CEP85L: variants seen among roughly 807,000 people sequenced by gnomAD.
CEP85L encodes centrosomal protein 85L.
Under a neutral mutation model 100.3 loss-of-function variants are expected in CEP85L, and 60 were observed. That is an observed-to-expected ratio of 0.60 (90% CI 0.49 to 0.74). The LOEUF is 0.74. Ranked by LOEUF, CEP85L falls within the 30% of genes least tolerant of loss-of-function variation. The probability of loss-of-function intolerance (pLI) is 0.00; values close to 1 mark genes in which losing one functional copy is unlikely to be tolerated. For missense variants in CEP85L, 973 were observed against 936.2 expected, an observed-to-expected ratio of 1.04 and a Z score of -0.51; for synonymous variants, 319 against 322.7, an observed-to-expected ratio of 0.99 and a Z score of 0.12.
intron 1 of CEP85L, among the ~76,000 whole-genome samples, chr6:118,658,727 A>C (rs1775877046): frequency 6.6e-6 from 1 of 152,194 alleles, no homozygotes; most frequent in South Asian, 2.1e-4. Context: ...AGTATATTTA[A>C]TAAGTGTTAT....
chr6:118,468,415 C>T (rs1389646650), intron 12 of CEP85L, among the ~76,000 whole-genome samples: 1 of 152,198 alleles, frequency 6.6e-6, no homozygotes, highest in East Asian at 1.9e-4. Context: ...TATAAAGAGA[C>T]TAACATCCTG....
intron 1 of CEP85L, among the ~76,000 whole-genome samples, chr6:118,678,134 T>A (rs1047561326): frequency 1.3e-5 from 2 of 152,198 alleles, no homozygotes; most frequent in African/African-American, 4.8e-5. Flanking sequence ...TGGATCAACA[T>A]CTGTAGAAAA....
intron 2 of CEP85L, among the ~76,000 whole-genome samples, chr6:118,627,683 T>A (rs533304464): frequency 1.3e-5 from 2 of 152,336 alleles, no homozygotes; most frequent in East Asian, 3.9e-4. Flanking sequence ...GAGTTTGACC[T>A]GGTTCTCACA....
intron 2 of CEP85L, among the ~76,000 whole-genome samples, chr6:118,596,919 T>C (rs1310049876): frequency 6.6e-6 from 1 of 152,216 alleles, no homozygotes; most frequent in Non-Finnish European, 1.5e-5. Flanking sequence ...TCATCTTGAA[T>C]TGTAGTTCCC....
At chr6:118,672,194 G>A (rs1461403610) in intron 1 of CEP85L, among the ~76,000 whole-genome samples, 1 of 151,928 alleles carries the variant, frequency 6.6e-6, no homozygotes, top group Non-Finnish European at 1.5e-5. Flanking sequence ...ATGCCACCAG[G>A]CCTAGCTAAT....
At chr6:118,538,965 T>C (rs538439746) in intron 3 of CEP85L, among the ~76,000 whole-genome samples, 2 of 152,216 alleles carry the variant, frequency 1.3e-5, no homozygotes, top group South Asian at 4.1e-4. Context: ...TCTATGAAAC[T>C]GAAATAAAAG....
chr6:118,475,010 G>T (rs1053838696), intron 10 of CEP85L, among the ~76,000 whole-genome samples: 5 of 152,222 alleles, frequency 3.3e-5, no homozygotes, highest in African/African-American at 1.2e-4. Flanking sequence ...AGTTTGTGAA[G>T]CAATTTATGC....
At chr6:118,539,681 G>A (rs957822017) in intron 3 of CEP85L, among the ~76,000 whole-genome samples, 3 of 151,976 alleles carry the variant, frequency 2.0e-5, no homozygotes, top group Non-Finnish European at 4.4e-5. Flanking sequence ...GTGGTTTGCT[G>A]CACCTATCAA....
intron 5 of CEP85L, among the ~76,000 whole-genome samples, chr6:118,497,581 G>GA (rs572924591): frequency 6.6e-6 from 1 of 152,196 alleles, no homozygotes; most frequent in South Asian, 2.1e-4. Context: ...GGTCTGTGGA[G>GA]AAATTGTCTT....
intron 2 of CEP85L, among the ~76,000 whole-genome samples, chr6:118,572,569 TCAAATAAATAAATAAA>T (rs1409585992): frequency 6.6e-6 from 1 of 151,624 alleles, no homozygotes; most frequent in Non-Finnish European, 1.5e-5. Context: ...AGACTCTGTC[TCAAATAAATAAATAAA>T]CAAATAAATA....
intron 2 of CEP85L, among the ~76,000 whole-genome samples, chr6:118,621,564 T>A (rs1773446067): frequency 6.6e-6 from 1 of 152,198 alleles, no homozygotes; most frequent in Non-Finnish European, 1.5e-5. Context: ...AATACGCAGA[T>A]GACTTACTTT....
chr6:118,673,392 G>T (rs539403999), intron 1 of CEP85L, among the ~76,000 whole-genome samples: 1 of 152,184 alleles, frequency 6.6e-6, no homozygotes, highest in Non-Finnish European at 1.5e-5. Flanking sequence ...TATGTTTACA[G>T]GCAAATGTGC....
chr6:118,598,963 TAG>T (rs1781588767), intron 2 of CEP85L, among the ~76,000 whole-genome samples: 1 of 152,206 alleles, frequency 6.6e-6, no homozygotes, highest in African/African-American at 2.4e-5. Context: ...CTGTCTGGAT[TAG>T]AGTCAAAGAC....
chr6:118,616,984 G>A lies in CEP85L; in HGVS notation c.232+15469C>T, dbSNP rs577666349. Among the ~76,000 whole-genome samples, 3 of 150,880 alleles carry A rather than the reference G, an allele frequency of 2.0e-5. 1 individual carries two copies. The South Asian group carries it at 6.3e-4, about 32-fold the overall frequency. On this transcript the variant is annotated intron_variant, in intron 2 of 12. Coordinates refer to ENST00000368491, the MANE Select transcript of CEP85L (RefSeq NM_001042475.3). The stretch of plus-strand genomic sequence containing the variant: ...GCTGAGGTAGGAGGGGATCACTTGA[G>A]CCCAGGAGTTCAAGACCAGCCTGGG...
chr6:118,676,217 C>T (rs1776477365), intron 1 of CEP85L, among the ~76,000 whole-genome samples: 1 of 152,096 alleles, frequency 6.6e-6, no homozygotes, highest in Non-Finnish European at 1.5e-5. Context: ...ATCACCTCAC[C>T]TACTTAACAT....
At chr6:118,502,899 C>A in intron 5 of CEP85L, 1 of 513,944 alleles carries the variant, frequency 1.9e-6, no homozygotes, top group South Asian at 2.1e-5. Context: ...CTTGAAGAAC[C>A]TAAAAAGACA....
chr6:118,586,683 A>G (rs547062701), intron 2 of CEP85L, among the ~76,000 whole-genome samples: 2 of 152,218 alleles, frequency 1.3e-5, no homozygotes, highest in African/African-American at 2.4e-5. Flanking sequence ...GAAAATCATA[A>G]AAGATAAGTA....
intron 5 of CEP85L, among the ~76,000 whole-genome samples, chr6:118,500,171 G>C (rs560122281): frequency 4.0e-4 from 61 of 151,962 alleles, no homozygotes; most frequent in Non-Finnish European, 7.1e-4. Flanking sequence ...GCCAGGCATG[G>C]TGACACACAC....
chr6:118,600,279 CTG>C (rs1326223918), intron 2 of CEP85L, among the ~76,000 whole-genome samples: 1 of 85,344 alleles, frequency 1.2e-5, no homozygotes, highest in Non-Finnish European at 2.4e-5. Context: ...CTAGTACTGC[CTG>C]TCCCTGAGCC....
Sources: gnomAD v4.1 joint callset for allele counts (sites outside exome capture counted in the v4.1 genomes callset) on GRCh38, gnomAD v4.1.1 for gene constraint, MANE v1.5 for transcripts, NCBI Gene and HGNC (gene_info 2026-07-23, HGNC 2026-07-21) for gene names.